Variants in CACNA2D1 observed in about 807,000 individuals in gnomAD.
CACNA2D1 encodes the protein calcium voltage-gated channel auxiliary subunit alpha2delta 1, also known as voltage-dependent calcium channel subunit alpha-2/delta-1.
Under a neutral mutation model 171.5 loss-of-function variants are expected in CACNA2D1, and 53 were observed. That is an observed-to-expected ratio of 0.31 (90% CI 0.25 to 0.39). The LOEUF is 0.39. Among genes scored for constraint, CACNA2D1 ranks in the 10% least tolerant of loss-of-function variants. The probability of loss-of-function intolerance (pLI) is 1.00; values close to 1 mark genes in which losing one functional copy is unlikely to be tolerated. For synonymous variants in CACNA2D1, 442 were observed against 443.1 expected, an observed-to-expected ratio of 1.00 and a Z score of 0.03; for missense variants, 903 against 1,299.8, an observed-to-expected ratio of 0.69 and a Z score of 4.69.
At chr7:82,180,087 T>C (rs1796960282) in intron 3 of CACNA2D1, among the ~76,000 whole-genome samples, 1 of 152,158 alleles carries the variant, frequency 6.6e-6, no homozygotes, top group Non-Finnish European at 1.5e-5. Context: ...GGGTCCCTCA[T>C]GTTTCTGCAT....
intron 1 of CACNA2D1, among the ~76,000 whole-genome samples, chr7:82,370,135 G>T (rs1357301104): frequency 6.6e-6 from 1 of 151,948 alleles, no homozygotes; most frequent in East Asian, 1.9e-4. Context: ...ACAAAAGGAA[G>T]AATGTTCACT....
intron 3 of CACNA2D1, among the ~76,000 whole-genome samples, chr7:82,235,091 GCA>G (rs1207363650): frequency 6.6e-6 from 1 of 151,914 alleles, no homozygotes; most frequent in East Asian, 1.9e-4. Context: ...GGCTAAGTGA[GCA>G]CACTAAAAAA....
chr7:82,386,223 T>C (rs1369310388), intron 1 of CACNA2D1, among the ~76,000 whole-genome samples: 3 of 152,146 alleles, frequency 2.0e-5, no homozygotes, highest in Non-Finnish European at 4.4e-5. Context: ...AAAAATACTA[T>C]AGTACTGCAT....
intron 5 of CACNA2D1, among the ~76,000 whole-genome samples, chr7:82,134,200 T>C (rs982136900): frequency 6.6e-6 from 1 of 152,200 alleles, no homozygotes; most frequent in Non-Finnish European, 1.5e-5. Context: ...TTCCCTCCTT[T>C]TGACTATTAA....
At chr7:82,046,062 A>C (rs966036685) in intron 10 of CACNA2D1, among the ~76,000 whole-genome samples, 1 of 152,194 alleles carries the variant, frequency 6.6e-6, no homozygotes, top group Non-Finnish European at 1.5e-5. Context: ...AATTGCTCTC[A>C]TGAGTAAATT....
intron 31 of CACNA2D1, among the ~76,000 whole-genome samples, chr7:81,966,267 T>C (rs1465655051): frequency 2.6e-5 from 4 of 151,666 alleles, no homozygotes; most frequent in Non-Finnish European, 4.4e-5. Context: ...TTTTAATGTA[T>C]GAAAATCAAT....
intron 3 of CACNA2D1, among the ~76,000 whole-genome samples, chr7:82,251,922 G>C (rs1209086399): frequency 6.6e-6 from 1 of 152,044 alleles, no homozygotes; most frequent in Admixed American, 6.5e-5. Flanking sequence ...AGAACTACAA[G>C]GGACATGCAA....
intron 31 of CACNA2D1, 52 bp from the exon 32 acceptor site, chr7:81,965,717 G>A (rs746327082): frequency 1.9e-6 from 2 of 1,068,574 alleles, no homozygotes; most frequent in South Asian, 1.2e-5. Flanking sequence ...TTAGGAGGCT[G>A]CATTGTCTTT....
chr7:81,955,910 G>GTA (rs1554324643), intron 38 of CACNA2D1, among the ~76,000 whole-genome samples: 1 of 15,808 alleles, frequency 6.3e-5, no homozygotes, highest in Non-Finnish European at 1.6e-4. Flanking sequence ...TTTGGTGGGG[G>GTA]GGGGGGGGGG....
intron 10 of CACNA2D1, among the ~76,000 whole-genome samples, chr7:82,046,249 T>C (rs1490508692): frequency 2.0e-5 from 3 of 152,178 alleles, no homozygotes; most frequent in East Asian, 3.9e-4. Flanking sequence ...GCTAATGTTG[T>C]GAATGTGATT....
At chr7:82,106,792 T>TATATG (rs1171085683) in intron 6 of CACNA2D1, among the ~76,000 whole-genome samples, 1 of 152,056 alleles carries the variant, frequency 6.6e-6, no homozygotes, top group Non-Finnish European at 1.5e-5. Context: ...TGTGGAAAAA[T>TATATG]ATATGATATG....
intron 24 of CACNA2D1, among the ~76,000 whole-genome samples, chr7:81,982,361 T>C (rs780704152): frequency 3.9e-5 from 6 of 152,152 alleles, no homozygotes; most frequent in African/African-American, 9.7e-5. Flanking sequence ...TCTTTTGACC[T>C]TGTGATCCAC....
rs1276335298 is a variant in CACNA2D1, at chr7:81,964,245, C to T, written c.2689G>A (p.Ala897Thr). ...DYQSVCEPGA[A>T]PKQGAGHRSA... ...CGATGTCCTGCTCCTTGTTTTGGTG[C>T]AGCACCGGGCTCACATACTGACTGA... is the stretch of plus-strand genomic sequence containing the variant. The change falls in exon 33 of 39, where the codon GCA becomes ACA. Residue 897 changes from alanine to threonine, a missense_variant. Around this residue, in one of 5 missense-constraint regions of CACNA2D1, gnomAD observed 623 missense variants for 925.5 expected, o/e 0.67. Transcript: ENST00000356860. 12 of 1,612,658 alleles carry T rather than the reference C, an allele frequency of 7.4e-6. No homozygotes were observed. Among genetic ancestry groups the T allele is most frequent in the Non-Finnish European group, 9.3e-6 (11 of 1,179,192 alleles).
At chr7:82,077,207 C>T (rs551473976) in intron 7 of CACNA2D1, among the ~76,000 whole-genome samples, 5 of 152,116 alleles carry the variant, frequency 3.3e-5, no homozygotes, top group African/African-American at 1.2e-4. Context: ...AGCAGAGATG[C>T]TTTTTGTTCC....
chr7:82,003,894 T>A (rs1224919748), intron 18 of CACNA2D1, among the ~76,000 whole-genome samples: 1 of 151,946 alleles, frequency 6.6e-6, no homozygotes, highest in Non-Finnish European at 1.5e-5. Flanking sequence ...TATAGGCATG[T>A]GCCACCACAC....
intron 7 of CACNA2D1, among the ~76,000 whole-genome samples, chr7:82,081,430 A>G (rs945256473): frequency 9.2e-5 from 14 of 152,222 alleles, no homozygotes; most frequent in Admixed American, 8.5e-4. Flanking sequence ...ATACTTGGTT[A>G]TATTATATCA....
intron 10 of CACNA2D1, among the ~76,000 whole-genome samples, chr7:82,057,156 T>C (rs1173690364): frequency 6.6e-6 from 1 of 152,160 alleles, no homozygotes; most frequent in South Asian, 2.1e-4. Context: ...TGGTTGAAAT[T>C]TTCACGAAAC....
At chr7:82,356,396 G>A (rs1317848488) in intron 1 of CACNA2D1, among the ~76,000 whole-genome samples, 1 of 151,984 alleles carries the variant, frequency 6.6e-6, no homozygotes, top group Admixed American at 6.6e-5. Context: ...ATCGCGAATG[G>A]ATAAATCACA....
chr7:82,078,013 T>C (rs935704997), intron 7 of CACNA2D1, among the ~76,000 whole-genome samples: 6 of 151,924 alleles, frequency 3.9e-5, no homozygotes, highest in African/African-American at 1.5e-4. Context: ...GCTACCTGTA[T>C]GGAAAAAAAA....
Sources: gnomAD v4.1 joint callset for allele counts (sites outside exome capture counted in the v4.1 genomes callset) on GRCh38, gnomAD v4.1.1 for gene constraint, gnomAD v4.1.1 regional missense constraint, MANE v1.5 for transcripts, NCBI Gene and HGNC (gene_info 2026-07-23, HGNC 2026-07-21) for gene names.